TNPO1: variants seen among roughly 807,000 people sequenced by gnomAD.
TNPO1 encodes the protein transportin-1.
A neutral mutation model predicts 119.5 loss-of-function variants in TNPO1; 8 were observed. That is an observed-to-expected ratio of 0.07 (90% confidence interval 0.04 to 0.12). TNPO1 has a LOEUF of 0.12. Ranked by LOEUF, TNPO1 falls within the 10% of genes least tolerant of loss-of-function variation. The probability of loss-of-function intolerance (pLI) is 1.00; values close to 1 mark genes in which losing one functional copy is unlikely to be tolerated. For missense variants in TNPO1, 576 were observed against 1,089.8 expected, an observed-to-expected ratio of 0.53 and a Z score of 6.64; for synonymous variants, 362 against 363.0, an observed-to-expected ratio of 1.00 and a Z score of 0.03.
chr5:72,887,025 T>TAAAA, intron 11 of TNPO1, 45 bp from the exon 12 acceptor site: 1 of 1,530,118 alleles, frequency 6.5e-7, no homozygotes, highest in Non-Finnish European at 8.9e-7. Context: ...AATATATAAG[T>TAAAA]AATAAGAGGT....
Position 72,910,541 on chromosome 5 carries a change from A to G in TNPO1, c.*1868A>G, listed in dbSNP as rs1476584167. On this transcript the variant is annotated 3_prime_UTR_variant, in exon 25 of 25. Transcript: ENST00000337273. ...ACGCCTTTCCATTTTTCAATGCTGC[A>G]TATTTAATCTGCAACAAAAATGTTA... is the stretch of plus-strand genomic sequence containing the variant. 6.6e-6 allele frequency: 1 copy of G among 152,634 alleles called. No individual in the cohort carries two copies. Among genetic ancestry groups the G allele is most frequent in the Non-Finnish European group, 1.5e-5 (1 of 68,010 alleles). 9.5% of individuals were successfully genotyped at this position (152,634 alleles called of 1,614,324 possible). A position where few individuals can be genotyped will look rare whatever the true frequency, so the allele number is the denominator to read the frequency against.
intron 2 of TNPO1, 106 bp from the exon 3 acceptor site, chr5:72,851,138 C>A: frequency 2.9e-6 from 2 of 695,568 alleles, no homozygotes; most frequent in Admixed American, 3.0e-5. Context: ...AAAAAAAACG[C>A]AGGACTGAAA....
At chr5:72,848,211 G>A in intron 1 of TNPO1, 174 bp from the exon 2 acceptor site, 3 of 1,242,492 alleles carry the variant, frequency 2.4e-6, no homozygotes, top group Non-Finnish European at 3.0e-6. Flanking sequence ...AGTTCCGCCG[G>A]GTTTCACTGT....
At chr5:72,863,739 CAAAA>C (rs1197299206) in intron 5 of TNPO1, among the ~76,000 whole-genome samples, 1 of 69,672 alleles carries the variant, frequency 1.4e-5, no homozygotes, top group Non-Finnish European at 3.0e-5. Flanking sequence ...CCAGCCATCT[CAAAA>C]AAAAAAAAAA....
intron 1 of TNPO1, among the ~76,000 whole-genome samples, chr5:72,822,908 CTTT>C (rs56331096): frequency 3.8e-3 from 289 of 76,084 alleles, no homozygotes; most frequent in African/African-American, 0.012. Context: ...TGGGTCTACA[CTTT>C]TTTTTTTTTT....
intron 12 of TNPO1, among the ~76,000 whole-genome samples, chr5:72,887,852 C>G (rs995079221): frequency 6.6e-6 from 1 of 152,096 alleles, no homozygotes; most frequent in Non-Finnish European, 1.5e-5. Flanking sequence ...TGATTTTGTC[C>G]TGGCAGTAAA....
In TNPO1 at chr5:72,875,809, T is replaced by C. The variant is rs552169904; in HGVS notation, c.801+72T>C. 3.3e-6 allele frequency: 5 copies of C among 1,495,616 alleles called. No individual in the cohort carries two copies. In the African/African-American group the frequency reaches 6.9e-5, roughly 21 times the overall value. The allele number at this position is 1,495,616 out of a possible 1,614,324, so 92.6% of individuals were successfully genotyped here. On this transcript the variant is annotated intron_variant, in intron 8 of 24. Transcript: ENST00000337273. The stretch of plus-strand genomic sequence containing the variant: ...GAAATACTAGATAGAAAATACAACA[T>C]ACCGGATGGGAAGGGGACTATAAAA...
chr5:72,848,747 C>T (rs1439481049), intron 2 of TNPO1, among the ~76,000 whole-genome samples: 3 of 145,940 alleles, frequency 2.1e-5, no homozygotes, highest in Admixed American at 6.8e-5. Flanking sequence ...CACCGGCTTC[C>T]GGCGCGCAGG....
intron 4 of TNPO1, among the ~76,000 whole-genome samples, chr5:72,856,326 G>A (rs1745995922): frequency 6.6e-6 from 1 of 152,096 alleles, no homozygotes. Flanking sequence ...CTGCCTCCTG[G>A]ATTCAAGCGA....
At chr5:72,908,290 C>T (rs1750314403) in intron 24 of TNPO1, among the ~76,000 whole-genome samples, 1 of 152,102 alleles carries the variant, frequency 6.6e-6, no homozygotes, top group Admixed American at 6.5e-5. Flanking sequence ...ATGGTGTTTT[C>T]ATTCTAAGGA....
At chr5:72,896,235 T>C (rs546527921) in intron 18 of TNPO1, among the ~76,000 whole-genome samples, 2 of 152,316 alleles carry the variant, frequency 1.3e-5, no homozygotes, top group East Asian at 3.9e-4. Flanking sequence ...ACTGTTTTCT[T>C]CAGTTTCTTA....
chr5:72,864,491 A>G (rs1198195366), intron 5 of TNPO1, among the ~76,000 whole-genome samples: 1 of 152,224 alleles, frequency 6.6e-6, no homozygotes, highest in Non-Finnish European at 1.5e-5. Context: ...TAGTATTAAA[A>G]TGATTATAGG....
At chr5:72,868,914 A>C (rs1358655017) in intron 6 of TNPO1, among the ~76,000 whole-genome samples, 2 of 152,052 alleles carry the variant, frequency 1.3e-5, no homozygotes, top group Non-Finnish European at 2.9e-5. Context: ...AGGCTGAGGC[A>C]TGAGAATCAC....
At chr5:72,901,166 A>G (rs1345025368) in intron 22 of TNPO1, 93 bp downstream of exon 22, 8 of 745,702 alleles carry the variant, frequency 1.1e-5, no homozygotes, top group South Asian at 8.2e-5. Context: ...AAAGTTAACT[A>G]TTTTCAAAGG....
rs1384250507 is a variant in TNPO1, at chr5:72,909,744, A to G, written c.*1071A>G. 6.6e-6 allele frequency: 1 copy of G among 152,638 alleles called. No homozygotes were observed. Among genetic ancestry groups the G allele is most frequent in the Non-Finnish European group, 1.5e-5 (1 of 68,036 alleles). The allele number at this position is 152,638 out of a possible 1,614,324, so 9.5% of individuals were successfully genotyped here. A position where few individuals can be genotyped will look rare whatever the true frequency, so the allele number is the denominator to read the frequency against. ...TTATTTTTATTAAGAACATAGATATATAAAGTACTGTAGTTTACAGGTAGG... is the reference window on the plus strand; with the variant it reads ...TTATTTTTATTAAGAACATAGATATGTAAAGTACTGTAGTTTACAGGTAGG... On this transcript the variant is annotated 3_prime_UTR_variant, in exon 25 of 25. Transcript: ENST00000337273.
chr5:72,866,551 C>G (rs768706722), intron 6 of TNPO1, among the ~76,000 whole-genome samples: 12 of 151,910 alleles, frequency 7.9e-5, no homozygotes, highest in Non-Finnish European at 1.6e-4. Flanking sequence ...CTCAGGAGTT[C>G]AAGACTAGCC....
intron 1 of TNPO1, among the ~76,000 whole-genome samples, chr5:72,840,803 T>C (rs573741868): frequency 6.6e-6 from 1 of 152,328 alleles, no homozygotes; most frequent in Admixed American, 6.5e-5. Flanking sequence ...TATTCAAACT[T>C]TCCTTAGTAC....
chr5:72,834,129 A>G (rs900768695), intron 1 of TNPO1, among the ~76,000 whole-genome samples: 2 of 152,150 alleles, frequency 1.3e-5, no homozygotes, highest in African/African-American at 4.8e-5. Context: ...ACTCACTCAT[A>G]TGTCTGCGGT....
chr5:72,836,177 T>C (rs139041317), intron 1 of TNPO1, among the ~76,000 whole-genome samples: 2 of 152,344 alleles, frequency 1.3e-5, no homozygotes, highest in East Asian at 1.9e-4. Flanking sequence ...ATTGCCCTTG[T>C]GTAGGCTCTC....
Sources: gnomAD v4.1 joint callset for allele counts (sites outside exome capture counted in the v4.1 genomes callset) on GRCh38, gnomAD v4.1.1 for gene constraint, MANE v1.5 for transcripts, NCBI Gene and HGNC (gene_info 2026-07-23, HGNC 2026-07-21) for gene names.